The following WDFY2 variants were observed in gnomAD, a reference collection of about 807,000 sequenced individuals.
The protein encoded by WDFY2 is WD repeat and FYVE domain containing 2.
In WDFY2, 36 loss-of-function variants were observed where a neutral mutation model predicts 56.4. The observed-to-expected ratio is 0.64, with a 90% CI of 0.49 to 0.84. WDFY2 has a LOEUF of 0.84. WDFY2 is among the 40% of genes least tolerant of loss of function. The pLI, the probability that WDFY2 is intolerant of heterozygous loss-of-function variation, is 0.00. For synonymous variants in WDFY2, 176 were observed against 183.7 expected, an observed-to-expected ratio of 0.96 and a Z score of 0.34; for missense variants, 444 against 512.2, an observed-to-expected ratio of 0.87 and a Z score of 1.29.
intron 1 of WDFY2, among the ~76,000 whole-genome samples, chr13:51,618,737 A>G (rs924427235): frequency 1.3e-5 from 2 of 152,220 alleles, no homozygotes; most frequent in Non-Finnish European, 1.5e-5. Flanking sequence ...TAATTAACCT[A>G]TATTCTCACA....
At chr13:51,752,926 G>C (rs771213518) in intron 8 of WDFY2, 1 of 152,174 alleles carries the variant, frequency 6.6e-6, no homozygotes, top group African/African-American at 2.4e-5. Flanking sequence ...GGAGGTCTGC[G>C]ACATATATTG....
In WDFY2 at chr13:51,676,980, G is replaced by A. The variant is rs146836103; in HGVS notation, c.279+1737G>A. ...GAAAAACTTAGGTTTACATAACATA[G>A]GAGTGGTTTGTTGCACTTTTGAAGT... On this transcript the variant is annotated intron_variant, in intron 3 of 11. Transcript: ENST00000298125. 4.6e-3 allele frequency among the ~76,000 whole-genome samples: 695 copies of A among 152,320 alleles called. 4 individuals are homozygous for A. The highest frequency in any genetic ancestry group is 0.018 in the Admixed American group (279 of 15,296).
chr13:51,732,103 G>T (rs891264507), intron 6 of WDFY2, among the ~76,000 whole-genome samples: 1 of 152,106 alleles, frequency 6.6e-6, no homozygotes, highest in Non-Finnish European at 1.5e-5. Flanking sequence ...CTATGAAAAA[G>T]TCGTAAAGTA....
At chr13:51,672,299 T>C (rs2138494346) in intron 2 of WDFY2, among the ~76,000 whole-genome samples, 1 of 152,328 alleles carries the variant, frequency 6.6e-6, no homozygotes, top group Non-Finnish European at 1.5e-5. Flanking sequence ...GTTTGTCGAA[T>C]AGGGTGTCCT....
intron 7 of WDFY2, among the ~76,000 whole-genome samples, chr13:51,750,849 A>G (rs1953217084): frequency 6.6e-6 from 1 of 152,206 alleles, no homozygotes; most frequent in Non-Finnish European, 1.5e-5. Flanking sequence ...TGCACACCTC[A>G]GGCAACACAG....
intron 1 of WDFY2, among the ~76,000 whole-genome samples, chr13:51,604,216 A>G (rs961629289): frequency 2.6e-5 from 4 of 152,190 alleles, no homozygotes; most frequent in Non-Finnish European, 4.4e-5. Flanking sequence ...ATACATGCCA[A>G]TTTGTAATAT....
intron 8 of WDFY2, among the ~76,000 whole-genome samples, chr13:51,754,932 C>T (rs1291548668): frequency 6.6e-6 from 1 of 152,164 alleles, no homozygotes; most frequent in East Asian, 1.9e-4. Context: ...AATTGTTTCA[C>T]AAACAAACAT....
intron 5 of WDFY2, among the ~76,000 whole-genome samples, chr13:51,726,367 A>G (rs1170252055): frequency 6.6e-6 from 1 of 152,144 alleles, no homozygotes; most frequent in Non-Finnish European, 1.5e-5. Flanking sequence ...CGTTTGGGTT[A>G]TTTTCAAACT....
intron 1 of WDFY2, among the ~76,000 whole-genome samples, chr13:51,657,217 T>C (rs1593946395): frequency 1.3e-5 from 2 of 152,160 alleles, no homozygotes; most frequent in East Asian, 3.8e-4. Flanking sequence ...TTAGCTCTGT[T>C]CCTACCCCTT....
At chr13:51,750,794 T>G (rs907767751) in intron 7 of WDFY2, among the ~76,000 whole-genome samples, 1 of 152,186 alleles carries the variant, frequency 6.6e-6, no homozygotes, top group African/African-American at 2.4e-5. Context: ...GGATTCACTC[T>G]GGGAGCCAAG....
intron 1 of WDFY2, among the ~76,000 whole-genome samples, chr13:51,657,604 G>T (rs1185554142): frequency 6.6e-6 from 1 of 152,148 alleles, no homozygotes; most frequent in Non-Finnish European, 1.5e-5. Context: ...TACACTTGAT[G>T]ATGTCCCATA....
chr13:51,674,705 C>A (rs1239821877), intron 2 of WDFY2, among the ~76,000 whole-genome samples: 2 of 152,118 alleles, frequency 1.3e-5, no homozygotes, highest in Admixed American at 6.5e-5. Context: ...AAATAGACTT[C>A]TAGACTCCTG....
chr13:51,638,772 A>G (rs1437008505), intron 1 of WDFY2, among the ~76,000 whole-genome samples: 1 of 152,220 alleles, frequency 6.6e-6, no homozygotes, highest in Non-Finnish European at 1.5e-5. Flanking sequence ...TTAACTTGAT[A>G]CTGATGCATA....
Position 51,653,160 on chromosome 13 carries a change from T to C in WDFY2, c.138-7436T>C, listed in dbSNP as rs528952688. 1.1e-3 allele frequency among the ~76,000 whole-genome samples: 169 copies of C among 152,336 alleles called. 1 individual carries two copies. The highest frequency in any genetic ancestry group is 3.9e-3 in the African/African-American group (163 of 41,580). ...CTTGCTTCATTTCATTCACTTGATC[T>C]TCCATCACTGATACTCTTTCTTCCA... is the stretch of plus-strand genomic sequence containing the variant. On this transcript the variant is annotated intron_variant, in intron 1 of 11. Transcript: ENST00000298125.
chr13:51,654,025 G>A lies in WDFY2; in HGVS notation c.138-6571G>A, dbSNP rs149302898. On this transcript the variant is annotated intron_variant, in intron 1 of 11. Coordinates refer to ENST00000298125, the MANE Select transcript of WDFY2 (RefSeq NM_052950.4). ...AGAGGTGGAGTCTACAGAGGCAGAC[G>A]CCTCCTTGAGCTGTGGTGGGCTTCA... 9.0e-3 allele frequency among the ~76,000 whole-genome samples: 1,375 copies of A among 152,186 alleles called. 15 individuals carry two copies. The highest frequency in any genetic ancestry group is 0.031 in the African/African-American group (1,298 of 41,546).
chr13:51,766,847 C>T lies in WDFY2; in HGVS notation c.*7078C>T, dbSNP rs144605716. 6.6e-6 allele frequency: 1 copy of T among 152,374 alleles called. No homozygotes were observed. The highest frequency in any genetic ancestry group is 1.9e-4 in the East Asian group (1 of 5,186). The allele number at this position is 152,374 out of a possible 1,614,324, so 9.4% of individuals were successfully genotyped here. On this transcript the variant is annotated 3_prime_UTR_variant, in exon 12 of 12. Coordinates refer to ENST00000298125, the MANE Select transcript of WDFY2 (RefSeq NM_052950.4). ...ATGTGGCCACGCACACACCGACAAC[C>T]TTGCTGTGCTGTTTAGCCCTGTGGG...
chr13:51,671,011 G>T (rs553057877), intron 2 of WDFY2, among the ~76,000 whole-genome samples: 1 of 152,068 alleles, frequency 6.6e-6, no homozygotes, highest in Non-Finnish European at 1.5e-5. Flanking sequence ...TAGAATAATG[G>T]TCTCCAATTC....
chr13:51,619,434 A>G (rs369602363), intron 1 of WDFY2, among the ~76,000 whole-genome samples: 1 of 47,092 alleles, frequency 2.1e-5, no homozygotes, highest in Non-Finnish European at 4.2e-5. Flanking sequence ...CACTATCTCC[A>G]AAAAAAAAAA....
rs188434767 is a variant in WDFY2 at position 51,736,631 on chromosome 13, T to A, written c.599-2418T>A. Among the ~76,000 whole-genome samples the A allele has an allele frequency of 5.3e-5, 8 of 152,332 alleles. No individual in the cohort carries two copies. In the East Asian group the frequency reaches 1.2e-3, roughly 22 times the overall value. On this transcript the variant is annotated intron_variant, in intron 6 of 11. Transcript: ENST00000298125. ...CCTCAGCCTCCCAAGTAGCTGGAAC[T>A]ACAGGTGCGCGCCACCACGCCCAGC...
Sources: allele counts gnomAD v4.1 joint callset (sites outside exome capture counted in the v4.1 genomes callset), GRCh38; gene constraint gnomAD v4.1.1; transcripts MANE v1.5; gene names NCBI Gene and HGNC (gene_info 2026-07-23, HGNC 2026-07-21).